USH2A: variants seen among roughly 807,000 people sequenced by gnomAD.
The protein encoded by USH2A is Usher syndrome 2A (autosomal recessive, mild).
Under a neutral mutation model 538.9 loss-of-function variants are expected in USH2A, and 443 were observed. The observed-to-expected ratio is 0.82, with a 90% CI of 0.76 to 0.89. The LOEUF (loss-of-function observed/expected upper bound fraction) is 0.89, where lower values mean the gene tolerates loss of function less well. USH2A is among the 40% of genes least tolerant of loss of function. The pLI is 0.00. For synonymous variants in USH2A, 2,413 were observed against 2,273.5 expected, an observed-to-expected ratio of 1.06 and a Z score of -1.75; for missense variants, 6,633 against 6,324.8, an observed-to-expected ratio of 1.05 and a Z score of -1.65.
At chr1:216,216,375 C>A (rs2035341904) in intron 15 of USH2A, among the ~76,000 whole-genome samples, 1 of 152,058 alleles carries the variant, frequency 6.6e-6, no homozygotes, top group Non-Finnish European at 1.5e-5. Context: ...TCCTGCTTTC[C>A]ATTACCTCAA....
At chr1:216,359,274 T>C (rs1420684533) in intron 4 of USH2A, among the ~76,000 whole-genome samples, 1 of 152,100 alleles carries the variant, frequency 6.6e-6, no homozygotes, top group African/African-American at 2.4e-5. Flanking sequence ...TATCTTATTG[T>C]TTCACAATAA....
intron 11 of USH2A, among the ~76,000 whole-genome samples, chr1:216,256,675 T>C (rs999362342): frequency 6.6e-6 from 1 of 152,076 alleles, no homozygotes; most frequent in Non-Finnish European, 1.5e-5. Context: ...AAGATCTTTA[T>C]GATCCACTTT....
chr1:215,900,663 T>C (rs1340499658), intron 39 of USH2A, 92 bp downstream of exon 39: 5 of 1,542,672 alleles, frequency 3.2e-6, no homozygotes, highest in Non-Finnish European at 4.5e-6. Flanking sequence ...GTAACCTATA[T>C]TTTTTGCAAA....
chr1:215,996,565 T>G (rs970731037), intron 34 of USH2A, among the ~76,000 whole-genome samples: 4 of 29,386 alleles, frequency 1.4e-4, no homozygotes, highest in African/African-American at 4.2e-4. Context: ...ATTATGTTTT[T>G]TTTTTTTTTT....
intron 32 of USH2A, among the ~76,000 whole-genome samples, chr1:216,002,091 C>T (rs1668277483): frequency 6.6e-6 from 1 of 152,088 alleles, no homozygotes; most frequent in Admixed American, 6.5e-5. Context: ...GCAACAGTCG[C>T]ACTATAGGTA....
At chr1:216,100,540 C>G (rs1256975662) in intron 21 of USH2A, among the ~76,000 whole-genome samples, 1 of 152,080 alleles carries the variant, frequency 6.6e-6, no homozygotes, top group South Asian at 2.1e-4. Flanking sequence ...ATAATAAAAC[C>G]TATTCCTATA....
intron 32 of USH2A, among the ~76,000 whole-genome samples, chr1:216,039,761 T>C (rs2102519012): frequency 6.6e-6 from 1 of 152,090 alleles, no homozygotes; most frequent in East Asian, 1.9e-4. Flanking sequence ...CCTTTAAATG[T>C]GTTTTTATTG....
intron 21 of USH2A, among the ~76,000 whole-genome samples, chr1:216,164,764 C>T (rs1320101818): frequency 6.6e-6 from 1 of 152,026 alleles, no homozygotes; most frequent in East Asian, 1.9e-4. Context: ...ATTTATGTGA[C>T]TTAGGGACAT....
chr1:215,973,656 CT>C (rs750306238), intron 35 of USH2A, among the ~76,000 whole-genome samples: 15,074 of 130,696 alleles, frequency 0.12, 588 homozygotes, highest in Middle Eastern at 0.13. Context: ...TCTTCTTCTT[CT>C]TTTTTTTTTT....
At chr1:216,256,869 G>T (rs965102286) in intron 11 of USH2A, among the ~76,000 whole-genome samples, 8 of 151,956 alleles carry the variant, frequency 5.3e-5, no homozygotes, top group African/African-American at 1.9e-4. Flanking sequence ...AGCTTTTGGA[G>T]AGTCAAAATT....
rs1203054924 is a variant in USH2A, at chr1:215,635,563, A to ATTTG, written c.15053-861_15053-860insCAAA. Among the ~76,000 whole-genome samples, 4 of 150,704 alleles carry ATTTG rather than the reference A, an allele frequency of 2.7e-5. No homozygotes were observed. The East Asian group carries it at 7.8e-4, about 30-fold the overall frequency. On this transcript the variant is annotated intron_variant, in intron 69 of 71. Coordinates refer to ENST00000307340, the MANE Select transcript of USH2A (RefSeq NM_206933.4). ...TATTTATTTATTTATTTATTTATTT[A>ATTTG]TTTATTTTTTGAGATGGAGTCTTGC...
At position 216,077,438 on chromosome 1, in the gene USH2A, GAAAGAAAAGGC is replaced by G. The variant is rs1485621452; in HGVS notation, c.5572+640_5572+650del. Among the ~76,000 whole-genome samples, 4 of 151,684 alleles carry G rather than the reference GAAAGAAAAGGC, an allele frequency of 2.6e-5. 1 individual carries two copies. The highest frequency in any genetic ancestry group is 4.8e-5 in the African/African-American group (2 of 41,348). ...GGAGACAATTAGCATTTATGTCAAA[GAAAGAAAAGGC>G]AATGAATTGCATTGATATTTTTTAC... On this transcript the variant is annotated intron_variant, in intron 27 of 71. Coordinates refer to ENST00000307340, the MANE Select transcript of USH2A (RefSeq NM_206933.4).
intron 61 of USH2A, among the ~76,000 whole-genome samples, chr1:215,694,026 TA>T (rs376421946): frequency 1.1e-3 from 160 of 152,316 alleles, no homozygotes; most frequent in African/African-American, 3.7e-3. Flanking sequence ...TATTTGTGGT[TA>T]ACTATAAAAT....
rs10535828 is a variant in USH2A at position 216,245,470 on chromosome 1, T to TGAGAGAGAGAGAGA, written c.2809+1101_2809+1114dup. Reference sequence around the variant, plus strand: ...GAAAGAGAGAGGTAAAGTCCCCTTCTGAGAGAGAGAGAGAGAGAGAGAGAG... The same window carrying TGAGAGAGAGAGAGA: ...GAAAGAGAGAGGTAAAGTCCCCTTCTGAGAGAGAGAGAGAGAGAGAGAGAGAGAGAGAGAGAGAG... On this transcript the variant is annotated intron_variant, in intron 13 of 71. Coordinates refer to ENST00000307340, the MANE Select transcript of USH2A (RefSeq NM_206933.4). Among the ~76,000 whole-genome samples, 417 of 114,212 alleles carry TGAGAGAGAGAGAGA rather than the reference T, an allele frequency of 3.7e-3. 2 individuals are homozygous for TGAGAGAGAGAGAGA. Among genetic ancestry groups the TGAGAGAGAGAGAGA allele is most frequent in the Non-Finnish European group, 5.8e-3 (325 of 56,356 alleles). The allele number at this position is 114,212 out of a possible 152,430, so 74.9% of individuals were successfully genotyped here. A position where few individuals can be genotyped will look rare whatever the true frequency, so the allele number is the denominator to read the frequency against.
chr1:216,023,877 A>T (rs557290829), intron 32 of USH2A, among the ~76,000 whole-genome samples: 1 of 152,198 alleles, frequency 6.6e-6, no homozygotes, highest in South Asian at 2.1e-4. Context: ...GTATGCACAT[A>T]GTGAAAAATT....
chr1:215,927,306 A>T (rs951563639), intron 38 of USH2A, among the ~76,000 whole-genome samples: 4 of 152,132 alleles, frequency 2.6e-5, no homozygotes, highest in Admixed American at 6.6e-5. Flanking sequence ...TTATCTCTAA[A>T]TTTTTGTTCT....
At chr1:215,689,005 A>T (rs1313616658) in intron 61 of USH2A, among the ~76,000 whole-genome samples, 2 of 151,022 alleles carry the variant, frequency 1.3e-5, no homozygotes. Context: ...ATGTAGAACC[A>T]ATAGAATTAT....
intron 47 of USH2A, among the ~76,000 whole-genome samples, chr1:215,825,053 A>G (rs1203719087): frequency 6.6e-6 from 1 of 152,046 alleles, no homozygotes; most frequent in Non-Finnish European, 1.5e-5. Flanking sequence ...ATCATTTTGG[A>G]ACTGGAAGTT....
chr1:216,165,330 C>A (rs2034145993), intron 21 of USH2A, among the ~76,000 whole-genome samples: 1 of 152,106 alleles, frequency 6.6e-6, no homozygotes, highest in Non-Finnish European at 1.5e-5. Context: ...AGATGTGCAA[C>A]CACCTAGTTT....
Sources: gnomAD v4.1 joint callset for allele counts (sites outside exome capture counted in the v4.1 genomes callset) on GRCh38, gnomAD v4.1.1 for gene constraint, MANE v1.5 for transcripts, NCBI Gene and HGNC (gene_info 2026-07-23, HGNC 2026-07-21) for gene names.